Variants in PASK observed in about 807,000 individuals in gnomAD.
The protein encoded by PASK is PAS domain-containing serine/threonine-protein kinase.
In PASK, 110 loss-of-function variants were observed where a neutral mutation model predicts 121.0. That is an observed-to-expected ratio of 0.91 (90% CI 0.78 to 1.06). The LOEUF (loss-of-function observed/expected upper bound fraction) is 1.06. PASK is among the 50% of genes least tolerant of loss of function. PASK has a pLI of 0.00. For missense variants in PASK, 1,643 were observed against 1,702.3 expected (o/e 0.97, Z 0.61); for synonymous variants, 686 against 717.8 (o/e 0.96, Z 0.71).
chr2:241,109,704 A>G (rs1287387674), intron 15 of PASK: 1 of 152,366 alleles, frequency 6.6e-6, no homozygotes, highest in African/African-American at 2.4e-5. Context: ...TGTAGGGGCT[A>G]GAGCAAGAAA....
At chr2:241,118,538 T>G (rs2065466565) in intron 12 of PASK, among the ~76,000 whole-genome samples, 1 of 151,924 alleles carries the variant, frequency 6.6e-6, no homozygotes, top group Non-Finnish European at 1.5e-5. Flanking sequence ...AAAATTAACT[T>G]CAAAAATAGA....
rs752441496 is a variant in PASK at position 241,127,311 on chromosome 2, G to C, written c.1604C>G (p.Ser535Cys). 3.7e-6 allele frequency: 6 copies of C among 1,614,108 alleles called. No individual in the cohort carries two copies. The highest frequency in any genetic ancestry group is 5.1e-6 in the Non-Finnish European group (6 of 1,180,048). The change falls in exon 10 of 18, where the codon TCT becomes TGT. Residue 535 changes from serine to cysteine, a missense_variant. By Grantham distance (112) the Ser-to-Cys change is moderately radical. Coordinates refer to ENST00000234040, the MANE Select transcript of PASK (RefSeq NM_015148.4). ...AAATGGCTTCACATCCACTGGTTCA[G>C]ACCTGCTTTCTCCCAGAAGATCCTG... Reference protein sequence around the residue: ...PGQDLLGESRSEPVDVKPFAS... With the variant: ...PGQDLLGESRCEPVDVKPFAS...
At chr2:241,117,143 G>A (rs542453306) in intron 12 of PASK, among the ~76,000 whole-genome samples, 2 of 152,082 alleles carry the variant, frequency 1.3e-5, no homozygotes, top group South Asian at 2.1e-4. Context: ...GCGGGAGCAG[G>A]AAGAATCATC....
intron 5 of PASK, 122 bp from the exon 6 acceptor site, chr2:241,138,209 A>G (rs968443596): frequency 1.0e-6 from 1 of 957,598 alleles, no homozygotes; most frequent in Non-Finnish European, 1.6e-6. Flanking sequence ...TCGGAAGGGC[A>G]AGAGACATAT....
At position 241,107,338 on chromosome 2, in the gene PASK, G is replaced by A. The variant is rs774586895; in HGVS notation, c.3814+15C>T. 5.6e-6 allele frequency: 9 copies of A among 1,610,906 alleles called. No homozygotes were observed. Among genetic ancestry groups the A allele is most frequent in the Non-Finnish European group, 7.6e-6 (9 of 1,177,296 alleles). ...GTGAAGTCATGTGGGGTGGAGGGAT[G>A]CTGAGAAGCCTCACCTGGCTTGTTT... On this transcript the variant is annotated intron_variant, in intron 17 of 17. Transcript: ENST00000234040.
chr2:241,114,601 T>C lies in PASK; in HGVS notation c.3333+442A>G, dbSNP rs559810651. 4.7e-4 allele frequency: 494 copies of C among 1,056,006 alleles called. 1 individual carries two copies. In the African/African-American group the frequency reaches 7.8e-3, roughly 17 times the overall value. The allele number at this position is 1,056,006 out of a possible 1,614,324, so 65.4% of individuals were successfully genotyped here. On this transcript the variant is annotated intron_variant, in intron 14 of 17. Transcript: ENST00000234040. Reference sequence around the variant, plus strand: ...GAAACAGATCAAGACAAATACTTACTGAAAAGTGAGAATGTCAGGATCTCA... The same window carrying C: ...GAAACAGATCAAGACAAATACTTACCGAAAAGTGAGAATGTCAGGATCTCA...
At chr2:241,113,447 C>CATTTAG (rs2065192971) in intron 14 of PASK, 1 of 120,794 alleles carries the variant, frequency 8.3e-6, no homozygotes, top group Non-Finnish European at 2.1e-5. Context: ...CATTTAGATA[C>CATTTAG]ATACATGTGC....
At position 241,142,854 on chromosome 2, in the gene PASK, C is replaced by A; in HGVS notation, c.179G>T (p.Ser60Ile). 1 of 1,613,422 alleles carries A rather than the reference C, an allele frequency of 6.2e-7. No individual in the cohort carries two copies. Among genetic ancestry groups the A allele is most frequent in the Non-Finnish European group, 8.5e-7 (1 of 1,179,654 alleles). Residue 60 changes from serine (S) to isoleucine (I), a missense_variant, in exon 2 of 18, where the codon AGC becomes ATC. Transcript: ENST00000234040. Reference sequence around the variant, plus strand: ...GTCATTACCAGAGAGCGCTGTCCTGCTCTGGCAGAGTCTGGAAAGCCCATT... The same window carrying A: ...GTCATTACCAGAGAGCGCTGTCCTGATCTGGCAGAGTCTGGAAAGCCCATT... ...RRNGLSRLCQ[S>I]RTALSEDRWS...
intron 9 of PASK, chr2:241,127,679 G>T: frequency 1.8e-6 from 1 of 559,414 alleles, no homozygotes; most frequent in East Asian, 3.3e-5. Context: ...GCTACCAAAA[G>T]CCCAACAGTA....
At chr2:241,114,222 G>GA (rs2065232146) in intron 14 of PASK, 3 of 985,230 alleles carry the variant, frequency 3.0e-6, no homozygotes, top group Non-Finnish European at 3.6e-6. Flanking sequence ...CATAATATCT[G>GA]AAACTTACAA....
upstream of PASK, chr2:241,149,620 C>T: frequency 1.3e-6 from 2 of 1,533,820 alleles, no homozygotes; most frequent in Non-Finnish European, 1.7e-6. Context: ...AACACCCCTA[C>T]GGCGCTTCGG....
intron 12 of PASK, 41 bp downstream of exon 12, chr2:241,122,691 A>AGCTCC (rs2065666453): frequency 6.3e-7 from 1 of 1,583,962 alleles, no homozygotes; most frequent in Non-Finnish European, 8.7e-7. Context: ...GAGCCATGTG[A>AGCTCC]AGTGGTGCCC....
intron 12 of PASK, among the ~76,000 whole-genome samples, chr2:241,122,438 A>G (rs752478193): frequency 2.8e-4 from 42 of 152,322 alleles, no homozygotes; most frequent in Admixed American, 4.6e-4. Flanking sequence ...CTCAGAAAGG[A>G]GGGAACACAG....
intron 1 of PASK, among the ~76,000 whole-genome samples, chr2:241,144,790 C>A (rs1262392482): frequency 1.3e-5 from 2 of 152,202 alleles, no homozygotes; most frequent in East Asian, 3.8e-4. Context: ...TCCAAGGAGT[C>A]CCCCCTCCTT....
At chr2:241,106,803 C>G (rs1329642395) in intron 17 of PASK, 80 bp from the exon 18 acceptor site, 3 of 1,427,296 alleles carry the variant, frequency 2.1e-6, no homozygotes. Context: ...TTGAAGAAGT[C>G]CTAGAACAAA....
upstream of PASK, chr2:241,149,670 G>A (rs2067190576): frequency 6.5e-6 from 10 of 1,546,210 alleles, no homozygotes; most frequent in African/African-American, 1.4e-5. Context: ...CCCCCGGGCC[G>A]GGCAGATGCG....
intron 1 of PASK, among the ~76,000 whole-genome samples, chr2:241,145,247 C>A (rs1205417136): frequency 1.3e-5 from 2 of 152,090 alleles, no homozygotes; most frequent in African/African-American, 2.4e-5. Flanking sequence ...TTCACATGGC[C>A]ATCTTTTTTT....
intron 9 of PASK, among the ~76,000 whole-genome samples, chr2:241,128,089 T>G (rs577890988): frequency 6.6e-6 from 1 of 152,214 alleles, no homozygotes; most frequent in Admixed American, 6.5e-5. Context: ...GAGACCAGAC[T>G]GGCCAACATG....
chr2:241,127,429 T>A lies in PASK; in HGVS notation c.1486A>T (p.Ser496Cys). 6.2e-7 allele frequency: 1 copy of A among 1,614,082 alleles called. No homozygotes were observed. Among genetic ancestry groups the A allele is most frequent in the Non-Finnish European group, 8.5e-7 (1 of 1,179,934 alleles). Residue 496 changes from serine (S) to cysteine (C), a missense_variant, in exon 10 of 18, where the codon AGC becomes TGC. Physicochemically the swap from Ser to Cys is moderately radical, Grantham distance 112 (BLOSUM62 -1). Coordinates refer to ENST00000234040, the MANE Select transcript of PASK (RefSeq NM_015148.4). ...APGVDNVPEG[S>C]LPVHGEQALP... Reference sequence around the variant, plus strand: ...GCCTGTTCACCGTGCACTGGCAGGCTTCCTTCTGGGACATTGTCCACCCTG... The same window carrying A: ...GCCTGTTCACCGTGCACTGGCAGGCATCCTTCTGGGACATTGTCCACCCTG...
Sources: allele counts gnomAD v4.1 joint callset (sites outside exome capture counted in the v4.1 genomes callset), GRCh38; gene constraint gnomAD v4.1.1; transcripts MANE v1.5; gene names NCBI Gene and HGNC (gene_info 2026-07-23, HGNC 2026-07-21).